LRRC61: variants seen among roughly 807,000 people sequenced by gnomAD.
LRRC61 encodes the protein leucine rich repeat containing 61.
LRRC61 carries 9 observed loss-of-function variants against 15.1 expected under a neutral mutation model. The ratio of observed to expected loss-of-function variants is 0.60; its 90% confidence interval spans 0.36 to 1.04. The LOEUF (loss-of-function observed/expected upper bound fraction) is 1.04. LRRC61 is among the 50% of genes least tolerant of loss of function. The probability of loss-of-function intolerance (pLI) is 0.01; values close to 1 mark genes in which losing one functional copy is unlikely to be tolerated. For synonymous variants in LRRC61, 173 were observed against 158.6 expected (o/e 1.09, Z -0.68); for missense variants, 344 against 335.6 (o/e 1.03, Z -0.20).
chr7:150,337,775 C>T lies in LRRC61; in HGVS notation c.*134C>T. On this transcript the variant is annotated 3_prime_UTR_variant, in exon 3 of 3. Coordinates refer to ENST00000359623, the MANE Select transcript of LRRC61 (RefSeq NM_001142928.2). ...CACTGGGCTATTGCTTTATCCCTAT[C>T]CTGAGAGCAGCCCCTCCCCACCATC... is the stretch of plus-strand genomic sequence containing the variant. The T allele has an allele frequency of 4.2e-6, 4 of 959,002 alleles. No individual in the cohort carries two copies. The highest frequency in any genetic ancestry group is 3.8e-5 in the South Asian group (2 of 53,200). 59.4% of individuals were successfully genotyped at this position (959,002 alleles called of 1,614,324 possible). A position where few individuals can be genotyped will look rare whatever the true frequency, so the allele number is the denominator to read the frequency against.
At position 150,337,200 on chromosome 7, in the gene LRRC61, C is replaced by T; in HGVS notation, c.339C>T (p.Gly113=). 6.2e-7 allele frequency: 1 copy of T among 1,606,520 alleles called. No homozygotes were observed. ...NAAGNLLATP[G]QLQCLAGLPC... ...CAGGCAACCTACTGGCCACCCCGGGCCAGCTGCAGTGTCTGGCTGGGCTAC... is the reference window on the plus strand; with the variant it reads ...CAGGCAACCTACTGGCCACCCCGGGTCAGCTGCAGTGTCTGGCTGGGCTAC... Residue 113 remains glycine, a synonymous_variant, in exon 3 of 3, where the codon GGC becomes GGT. Transcript: ENST00000359623.
At chr7:150,316,491 T>A in the LRRC61 span, among the ~76,000 whole-genome samples, 3 of 146,386 alleles carry the variant, frequency 2.0e-5, no homozygotes, top group East Asian at 4.0e-4. Context: ...TTATTTTTTT[T>A]TTTTTTTTTT....
rs752400572 is a variant in LRRC61 at position 150,337,265 on chromosome 7, G to A, written c.404G>A (p.Arg135Gln). 22 of 1,603,406 alleles carry A rather than the reference G, an allele frequency of 1.4e-5. No individual in the cohort carries two copies. The highest frequency in any genetic ancestry group is 6.6e-5 in the South Asian group (6 of 91,070). Residue 135 changes from arginine to glutamine, a missense_variant, in exon 3 of 3, where the codon CGG becomes CAG. Arg to Gln is a conservative substitution (Grantham distance 43, BLOSUM62 1). Coordinates refer to ENST00000359623, the MANE Select transcript of LRRC61 (RefSeq NM_001142928.2). ...CTGCGGCTCCGAGACCCTTTGGCCC[G>A]GCTCAGCAACCCGCTCTGTGCCAAC... ...EYLRLRDPLA[R>Q]LSNPLCANPS...
In LRRC61 at chr7:150,330,457, C is replaced by G. The variant is rs747627619; in HGVS notation, c.-145+4447C>G. Reference sequence around the variant, plus strand: ...CAGGCCTCTCTGAGCCAGGTGCTGCCCCAGCTGCGCTACCTGCACATCTTC... The same window carrying G: ...CAGGCCTCTCTGAGCCAGGTGCTGCGCCAGCTGCGCTACCTGCACATCTTC... On this transcript the variant is annotated intron_variant, in intron 2 of 2. Coordinates refer to ENST00000359623, the MANE Select transcript of LRRC61 (RefSeq NM_001142928.2). The surrounding 1 kb of genome is among the most constrained non-coding windows in gnomAD (Gnocchi z 4.6). The G allele has an allele frequency of 3.9e-6, 3 of 778,194 alleles. No homozygotes were observed. The highest frequency in any genetic ancestry group is 7.2e-6 in the Non-Finnish European group (3 of 418,130). The allele number at this position is 778,194 out of a possible 1,614,324, so 48.2% of individuals were successfully genotyped here. A position where few individuals can be genotyped will look rare whatever the true frequency, so the allele number is the denominator to read the frequency against.
intron 2 of LRRC61, among the ~76,000 whole-genome samples, chr7:150,329,475 C>T (rs1798038368): frequency 6.6e-6 from 1 of 152,180 alleles, no homozygotes; most frequent in South Asian, 2.1e-4. Context: ...CGCAGGTCTG[C>T]AGCGGTCCCC....
At chr7:150,332,137 G>T (rs1172968861) in intron 2 of LRRC61, 1 of 167,134 alleles carries the variant, frequency 6.0e-6, no homozygotes, top group African/African-American at 2.4e-5. Context: ...CACTTTTAAA[G>T]GGGAAGTCCC....
At chr7:150,326,717 C>A (rs1234239373) in intron 2 of LRRC61, among the ~76,000 whole-genome samples, 3 of 151,942 alleles carry the variant, frequency 2.0e-5, no homozygotes, top group African/African-American at 7.3e-5. Flanking sequence ...GGAGGGTGAC[C>A]CCGTTCTGCA....
intron 2 of LRRC61, chr7:150,331,211 A>G (rs567115870): frequency 1.7e-4 from 215 of 1,285,660 alleles, no homozygotes; most frequent in Non-Finnish European, 2.1e-4. Context: ...TTGAAGGCCA[A>G]CCTGGAGCAG....
the LRRC61 span, among the ~76,000 whole-genome samples, chr7:150,312,496 C>T: frequency 6.6e-6 from 1 of 152,174 alleles, no homozygotes; most frequent in African/African-American, 2.4e-5. Flanking sequence ...TTATTCCTTT[C>T]CTGGCCTAAA....
At chr7:150,319,791 C>T (rs1326487641), upstream of LRRC61, among the ~76,000 whole-genome samples, 1 of 152,206 alleles carries the variant, frequency 6.6e-6, no homozygotes, top group Non-Finnish European at 1.5e-5. Context: ...AGCTACTTCC[C>T]ACTTTCTGTC....
chr7:150,323,624 C>T (rs1396287895), intron 1 of LRRC61, 64 bp downstream of exon 1: 1 of 454,706 alleles, frequency 2.2e-6, no homozygotes, highest in Non-Finnish European at 4.4e-6. Flanking sequence ...CGTGCCGGCC[C>T]CGGGGGGCCA....
rs777481075 is a variant in LRRC61, at chr7:150,336,905, A to G, written c.44A>G (p.Gln15Arg). ...AEKPGEAGGL[Q>R]ITPQLLKSRT... ...AAGCCGGGAGAGGCTGGCGGACTGCAGATCACACCCCAGCTGCTGAAGTCA... is the reference window on the plus strand; with the variant it reads ...AAGCCGGGAGAGGCTGGCGGACTGCGGATCACACCCCAGCTGCTGAAGTCA... Residue 15 changes from glutamine to arginine, a missense_variant, in exon 3 of 3, where the codon CAG becomes CGG. Transcript: ENST00000359623. 1.9e-6 allele frequency: 3 copies of G among 1,612,092 alleles called. No individual in the cohort carries two copies. The East Asian group carries it at 6.7e-5, about 36-fold the overall frequency.
At chr7:150,318,698 A>T (rs553000138), upstream of LRRC61, among the ~76,000 whole-genome samples, 12 of 152,296 alleles carry the variant, frequency 7.9e-5, no homozygotes, top group Non-Finnish European at 4.4e-5. Flanking sequence ...AAGAGCCGAG[A>T]TCGCACCACT....
At chr7:150,325,610 G>A (rs558233201) in intron 1 of LRRC61, among the ~76,000 whole-genome samples, 1 of 152,192 alleles carries the variant, frequency 6.6e-6, no homozygotes, top group Non-Finnish European at 1.5e-5. Context: ...GGGACCACAG[G>A]CACAGGCCAT....
upstream of LRRC61, among the ~76,000 whole-genome samples, chr7:150,319,639 C>T (rs1797294021): frequency 6.6e-6 from 1 of 152,246 alleles, no homozygotes; most frequent in Non-Finnish European, 1.5e-5. Flanking sequence ...AGCACTTTGT[C>T]CATCCAATTA....
chr7:150,319,758 G>A (rs117529093), upstream of LRRC61, among the ~76,000 whole-genome samples: 172 of 152,198 alleles, frequency 1.1e-3, 2 homozygotes, highest in East Asian at 0.03. Flanking sequence ...CCCCTGACCC[G>A]AGACAGAGTT....
At position 150,336,958 on chromosome 7, in the gene LRRC61, A is replaced by G; in HGVS notation, c.97A>G (p.Ile33Val). 1 of 1,613,968 alleles carries G rather than the reference A, an allele frequency of 6.2e-7. No homozygotes were observed. Among genetic ancestry groups the G allele is most frequent in the South Asian group, 1.1e-5 (1 of 91,086 alleles). Residue 33 changes from isoleucine (I) to valine (V), a missense_variant, in exon 3 of 3, where the codon ATC (isoleucine) becomes GTC (valine). By Grantham distance (29) the Ile-to-Val change is conservative. Transcript: ENST00000359623. ...SRTGEFSLES[I>V]LLLKLRGLGL... Reference sequence around the variant, plus strand: ...CACAGGCGAGTTCTCCCTGGAGTCCATCCTGCTACTGAAGCTGCGTGGCTT... The same window carrying G: ...CACAGGCGAGTTCTCCCTGGAGTCCGTCCTGCTACTGAAGCTGCGTGGCTT...
At chr7:150,319,311 G>A (rs1797251270), upstream of LRRC61, among the ~76,000 whole-genome samples, 1 of 151,810 alleles carries the variant, frequency 6.6e-6, no homozygotes, top group African/African-American at 2.4e-5. Flanking sequence ...AGGTTCAAGC[G>A]ATTCTCCTGC....
At chr7:150,331,234 AC>A (rs1798100422) in intron 2 of LRRC61, 2 of 1,003,012 alleles carry the variant, frequency 2.0e-6, no homozygotes, top group East Asian at 2.6e-5. Flanking sequence ...CCCCAACTAC[AC>A]CCCGCCTCCC....
Sources: allele counts gnomAD v4.1 joint callset (sites outside exome capture counted in the v4.1 genomes callset), GRCh38; gene constraint gnomAD v4.1.1; non-coding constraint Gnocchi (gnomAD v3.1); transcripts MANE v1.5; gene names NCBI Gene and HGNC (gene_info 2026-07-23, HGNC 2026-07-21).